NUP214: variants seen among roughly 807,000 people sequenced by gnomAD.
NUP214 encodes the protein nuclear pore complex protein Nup214.
In NUP214, 79 loss-of-function variants were observed where a neutral mutation model predicts 196.2. The observed-to-expected ratio is 0.40, with a 90% CI of 0.34 to 0.49. The LOEUF (loss-of-function observed/expected upper bound fraction) is 0.49, where lower values mean the gene tolerates loss of function less well. Among genes scored for constraint, NUP214 ranks in the 20% least tolerant of loss-of-function variants. The pLI is 0.58. For missense variants in NUP214, 2,468 were observed against 2,539.0 expected, an observed-to-expected ratio of 0.97 and a Z score of 0.60; for synonymous variants, 1,020 against 990.5, an observed-to-expected ratio of 1.03 and a Z score of -0.56.
intron 13 of NUP214, 35 bp from the exon 14 acceptor site, chr9:131,147,455 T>C (rs374912910): frequency 2.1e-6 from 3 of 1,462,548 alleles, no homozygotes; most frequent in African/African-American, 2.8e-5. Context: ...AGGTAATAAA[T>C]GCCATCTATT....
Position 131,233,948 on chromosome 9 carries a change from A to G in NUP214, c.*461A>G. On this transcript the variant is annotated 3_prime_UTR_variant, in exon 36 of 36. Coordinates refer to ENST00000359428, the MANE Select transcript of NUP214 (RefSeq NM_005085.4). ...ATCTTTTTGAGGCTGAAACTTGGTTATCTCCTCTCCTTGTTCTTTTAGCCA... is the reference window on the plus strand; with the variant it reads ...ATCTTTTTGAGGCTGAAACTTGGTTGTCTCCTCTCCTTGTTCTTTTAGCCA... 1 of 309,828 alleles carries G rather than the reference A, an allele frequency of 3.2e-6. No individual in the cohort carries two copies. Among genetic ancestry groups the G allele is most frequent in the Non-Finnish European group, 6.1e-6 (1 of 162,890 alleles). 19.2% of individuals were successfully genotyped at this position (309,828 alleles called of 1,614,324 possible).
chr9:131,134,676 C>T (rs374176946), intron 7 of NUP214, among the ~76,000 whole-genome samples: 4 of 152,006 alleles, frequency 2.6e-5, no homozygotes, highest in African/African-American at 9.7e-5. Context: ...CTGCATGTCT[C>T]GTGGGCAGAA....
In NUP214 at chr9:131,159,335, A is replaced by G. The variant is rs1180233146; in HGVS notation, c.2437-48A>G. ...TGACTGTTTTGATACATCTTCCCCC[A>G]AACTATCAGAAAAACAAGTTATTTG... On this transcript the variant is annotated intron_variant, in intron 17 of 35. Coordinates refer to ENST00000359428, the MANE Select transcript of NUP214 (RefSeq NM_005085.4). The G allele has an allele frequency of 5.0e-6, 7 of 1,391,474 alleles. No homozygotes were observed. The Admixed American group carries it at 8.7e-5, about 17-fold the overall frequency. 86.2% of individuals were successfully genotyped at this position (1,391,474 alleles called of 1,614,324 possible).
chr9:131,172,372 A>C (rs1045669075), intron 21 of NUP214, among the ~76,000 whole-genome samples: 1 of 152,142 alleles, frequency 6.6e-6, no homozygotes, highest in Non-Finnish European at 1.5e-5. Flanking sequence ...GTGTCTGTTC[A>C]TGTCCTTCAC....
Position 131,146,225 on chromosome 9 carries a change from A to G in NUP214, c.1866A>G (p.Gly622=). ...CTGCCTCCAAGCCAGCTGCTTCTGG[A>G]CCACTCAGCCACCCCACACCTCTCT... ...FSSASKPAAS[G]PLSHPTPLSA... is the part of the protein sequence containing the mutation. Residue 622 remains glycine (G), a synonymous_variant, in exon 13 of 36, where the codon GGA becomes GGG. Coordinates refer to ENST00000359428, the MANE Select transcript of NUP214 (RefSeq NM_005085.4). The surrounding 1 kb of genome is among the most constrained non-coding windows in gnomAD (Gnocchi z 4.6). 6.2e-7 allele frequency: 1 copy of G among 1,614,060 alleles called. No homozygotes were observed. The highest frequency in any genetic ancestry group is 8.5e-7 in the Non-Finnish European group (1 of 1,179,992).
chr9:131,202,896 C>A (rs1401865205), intron 30 of NUP214, among the ~76,000 whole-genome samples: 4 of 151,562 alleles, frequency 2.6e-5, no homozygotes, highest in Non-Finnish European at 5.9e-5. Flanking sequence ...ATCTATGTGC[C>A]AGGCATAATT....
At chr9:131,197,119 A>G (rs1833809954) in intron 28 of NUP214, 97 bp from the exon 29 acceptor site, 1 of 1,520,436 alleles carries the variant, frequency 6.6e-7, no homozygotes, top group African/African-American at 1.4e-5. Flanking sequence ...CTGTAGAGGG[A>G]GGAGAGAAAC....
chr9:131,197,621 C>T lies in NUP214; in HGVS notation c.4127C>T (p.Ala1376Val), dbSNP rs748713742. The T allele has an allele frequency of 1.2e-6, 2 of 1,613,834 alleles. No homozygotes were observed. Among genetic ancestry groups the T allele is most frequent in the South Asian group, 2.2e-5 (2 of 91,062 alleles). Residue 1376 changes from alanine (A) to valine (V), a missense_variant, in exon 29 of 36, where the codon GCC becomes GTC. This residue lies in a region of NUP214 where 1,801 missense variants were observed against 1,779.4 expected (regional missense o/e 1.01). Coordinates refer to ENST00000359428, the MANE Select transcript of NUP214 (RefSeq NM_005085.4). ...SGVPSGFNFTAPPVLGKHTEP... is the reference protein window; with the variant it reads ...SGVPSGFNFTVPPVLGKHTEP... ...GTGCCCTCAGGGTTTAATTTTACTGCCCCCCCGGTGTTAGGGAAGCACACG... is the reference window on the plus strand; with the variant it reads ...GTGCCCTCAGGGTTTAATTTTACTGTCCCCCCGGTGTTAGGGAAGCACACG...
rs552904479 is a variant in NUP214, at chr9:131,156,557, G to GT, written c.2437-2813dup. Reference sequence around the variant, plus strand: ...CCTCCTTGGTTAGGTATATTCCTAAGTTTTTTTTTTTTTGTTCTTTTTTTT... The same window carrying GT: ...CCTCCTTGGTTAGGTATATTCCTAAGTTTTTTTTTTTTTTGTTCTTTTTTTT... On this transcript the variant is annotated intron_variant, in intron 17 of 35. Transcript: ENST00000359428. 4.6e-3 allele frequency among the ~76,000 whole-genome samples: 644 copies of GT among 138,652 alleles called. 1 individual carries two copies. The highest frequency in any genetic ancestry group is 8.6e-3 in the East Asian group (41 of 4,744). The allele number at this position is 138,652 out of a possible 152,430, so 91.0% of individuals were successfully genotyped here. A position where few individuals can be genotyped will look rare whatever the true frequency, so the allele number is the denominator to read the frequency against.
intron 26 of NUP214, chr9:131,190,633 A>G: frequency 1.9e-6 from 1 of 522,152 alleles, no homozygotes; most frequent in South Asian, 2.8e-5. Flanking sequence ...AAATACCTTC[A>G]TTGTTTTTCT....
At chr9:131,192,464 A>T in intron 27 of NUP214, 172 bp downstream of exon 27, 1 of 444,742 alleles carries the variant, frequency 2.2e-6, no homozygotes, top group South Asian at 5.1e-5. Flanking sequence ...ATGTAAATCG[A>T]TTTTCCCTTT....
chr9:131,230,863 T>G, intron 34 of NUP214, 94 bp downstream of exon 34: 1 of 1,421,230 alleles, frequency 7.0e-7, no homozygotes, highest in Non-Finnish European at 9.5e-7. Flanking sequence ...ACCAGTCTGT[T>G]TAGTATTTTA....
intron 27 of NUP214, among the ~76,000 whole-genome samples, chr9:131,193,629 C>CTTTTTTTTTTTTTTTTTT (rs71389402): frequency 0.018 from 509 of 28,230 alleles, 192 homozygotes; most frequent in South Asian, 0.032. Flanking sequence ...TCTTCCTTTT[C>CTTTTTTTTTTTTTTTTTT]TTTTTTTTTT....
intron 6 of NUP214, 85 bp from the exon 7 acceptor site, chr9:131,133,021 A>T: frequency 1.0e-6 from 1 of 968,274 alleles, no homozygotes; most frequent in Admixed American, 1.9e-5. Context: ...TTTTATCCAT[A>T]GTGGCTATTC....
intron 12 of NUP214, among the ~76,000 whole-genome samples, chr9:131,145,014 G>A (rs916533052): frequency 6.6e-5 from 10 of 151,866 alleles, no homozygotes; most frequent in Non-Finnish European, 1.3e-4. Context: ...GCTTTTTTAC[G>A]TTACAAATGT....
intron 11 of NUP214, among the ~76,000 whole-genome samples, chr9:131,142,319 A>G (rs1831942600): frequency 6.6e-6 from 1 of 152,208 alleles, no homozygotes; most frequent in Non-Finnish European, 1.5e-5. Flanking sequence ...GGCCAGTTTT[A>G]CTGTTAGCCT....
intron 32 of NUP214, among the ~76,000 whole-genome samples, chr9:131,225,412 C>G (rs1456364103): frequency 2.0e-5 from 3 of 152,158 alleles, no homozygotes; most frequent in African/African-American, 7.2e-5. Context: ...AAGCAAGACT[C>G]TGTCTCAAAA....
intron 30 of NUP214, among the ~76,000 whole-genome samples, chr9:131,208,609 A>G (rs1216903936): frequency 6.6e-6 from 1 of 152,196 alleles, no homozygotes; most frequent in Non-Finnish European, 1.5e-5. Flanking sequence ...AGGCAGGAGA[A>G]TGGCATGAAC....
At chr9:131,211,941 A>G (rs1834253483) in intron 30 of NUP214, among the ~76,000 whole-genome samples, 1 of 152,220 alleles carries the variant, frequency 6.6e-6, no homozygotes, top group Non-Finnish European at 1.5e-5. Context: ...ATTGGGCCTG[A>G]CTGCCTGAGG....
Sources: gnomAD v4.1 joint callset for allele counts (sites outside exome capture counted in the v4.1 genomes callset) on GRCh38, gnomAD v4.1.1 for gene constraint, gnomAD v4.1.1 regional missense constraint, Gnocchi (gnomAD v3.1) non-coding constraint, MANE v1.5 for transcripts, NCBI Gene and HGNC (gene_info 2026-07-23, HGNC 2026-07-21) for gene names.